RAB3B: variants seen among roughly 807,000 people sequenced by gnomAD.
The protein encoded by RAB3B is RAB3B, member RAS oncogene family.
Under a neutral mutation model 20.5 loss-of-function variants are expected in RAB3B, and 11 were observed. The ratio of observed to expected loss-of-function variants is 0.54; its 90% CI spans 0.34 to 0.89. The LOEUF is 0.89. RAB3B is among the 40% of genes least tolerant of loss of function. RAB3B has a pLI of 0.02. For missense variants in RAB3B, 225 were observed against 280.9 expected, an observed-to-expected ratio of 0.80 and a Z score of 1.42; for synonymous variants, 99 against 106.3, an observed-to-expected ratio of 0.93 and a Z score of 0.42.
chr1:51,911,201 C>T lies in RAB3B; in HGVS notation c.*8726G>A, dbSNP rs1683992649. 1 of 152,222 alleles carries T rather than the reference C, an allele frequency of 6.6e-6. No homozygotes were observed. The highest frequency in any genetic ancestry group is 2.4e-5 in the African/African-American group (1 of 41,452). The allele number at this position is 152,222 out of a possible 1,614,324, so 9.4% of individuals were successfully genotyped here. On this transcript the variant is annotated 3_prime_UTR_variant, in exon 5 of 5. Coordinates refer to ENST00000371655, the MANE Select transcript of RAB3B (RefSeq NM_002867.4). ...GACAGTGATCCCTAGTCATAGGAAA[C>T]TTTGCCTGTGCTGTCATCAGTGTCC...
At chr1:51,956,465 T>C (rs1397127897) in intron 2 of RAB3B, among the ~76,000 whole-genome samples, 1 of 152,202 alleles carries the variant, frequency 6.6e-6, no homozygotes, top group Non-Finnish European at 1.5e-5. Flanking sequence ...TAAGTTATAC[T>C]GCCTGCTAGG....
chr1:51,943,394 T>TAACAAC (rs926884803), intron 2 of RAB3B, among the ~76,000 whole-genome samples: 21 of 50,126 alleles, frequency 4.2e-4, no homozygotes, highest in African/African-American at 9.1e-4. Flanking sequence ...AAAATAATAA[T>TAACAAC]AACAACAACA....
chr1:51,955,645 C>T (rs1287107324), intron 2 of RAB3B, among the ~76,000 whole-genome samples: 1 of 152,176 alleles, frequency 6.6e-6, no homozygotes, highest in Non-Finnish European at 1.5e-5. Context: ...AGTGATCCGC[C>T]AGCCTCAGCC....
intron 2 of RAB3B, among the ~76,000 whole-genome samples, chr1:51,958,359 G>A (rs1221090582): frequency 6.6e-6 from 1 of 152,170 alleles, no homozygotes; most frequent in Non-Finnish European, 1.5e-5. Context: ...GATCAAATGA[G>A]ATCTCATATG....
intron 3 of RAB3B, among the ~76,000 whole-genome samples, chr1:51,936,685 CAT>C (rs1185877594): frequency 2.0e-5 from 3 of 152,194 alleles, no homozygotes; most frequent in Non-Finnish European, 4.4e-5. Context: ...CAAAATGCAG[CAT>C]ATGTGTCAGC....
Position 51,911,151 on chromosome 1 carries a change from T to C in RAB3B, c.*8776A>G, listed in dbSNP as rs1487180407. The C allele has an allele frequency of 6.6e-6, 1 of 152,184 alleles. No individual in the cohort carries two copies. The highest frequency in any genetic ancestry group is 1.5e-5 in the Non-Finnish European group (1 of 68,034). 9.4% of individuals were successfully genotyped at this position (152,184 alleles called of 1,614,324 possible). On this transcript the variant is annotated 3_prime_UTR_variant, in exon 5 of 5. Transcript: ENST00000371655. ...TTAGCTGTTTTGTCTACCTGCTGGA[T>C]ACCTGGGAAGCCAGACTCTGTGTGG... is the stretch of plus-strand genomic sequence containing the variant.
chr1:51,956,401 G>A (rs1684707183), intron 2 of RAB3B, among the ~76,000 whole-genome samples: 1 of 152,182 alleles, frequency 6.6e-6, no homozygotes, highest in Non-Finnish European at 1.5e-5. Flanking sequence ...AGAGGCACAG[G>A]GAGGTTAAGT....
intron 2 of RAB3B, among the ~76,000 whole-genome samples, chr1:51,954,816 T>C (rs1684684994): frequency 6.6e-6 from 1 of 152,246 alleles, no homozygotes; most frequent in Admixed American, 6.5e-5. Flanking sequence ...AAAAAGGATG[T>C]ATCTTAGAAT....
At chr1:51,966,104 C>T (rs777855590) in intron 2 of RAB3B, among the ~76,000 whole-genome samples, 7 of 152,210 alleles carry the variant, frequency 4.6e-5, no homozygotes, top group Non-Finnish European at 1.0e-4. Context: ...TCTCACCAAT[C>T]GCTGCAGAGC....
rs139605200 is a variant in RAB3B, at chr1:51,949,808, G to C, written c.229-12396C>G. On this transcript the variant is annotated intron_variant, in intron 2 of 4. Transcript: ENST00000371655. ...GCTTGGCCCCACCACTGCTTCTGTC[G>C]CACGGGGTGGCTGCCTTCCACCAGT... Among the ~76,000 whole-genome samples, 54 of 152,272 alleles carry C rather than the reference G, an allele frequency of 3.5e-4. No homozygotes were observed. The East Asian group carries it at 0.01, about 29-fold the overall frequency.
At chr1:51,954,856 G>A (rs1255800973) in intron 2 of RAB3B, among the ~76,000 whole-genome samples, 1 of 152,230 alleles carries the variant, frequency 6.6e-6, no homozygotes, top group Admixed American at 6.5e-5. Flanking sequence ...TGGAAACATA[G>A]TACTTAAAAT....
chr1:51,966,802 C>A (rs1048041111), intron 2 of RAB3B, among the ~76,000 whole-genome samples: 2 of 151,728 alleles, frequency 1.3e-5, no homozygotes, highest in African/African-American at 2.4e-5. Flanking sequence ...ATTCCTGGAG[C>A]CACAGAGACT....
At chr1:51,985,259 T>C (rs1163234783) in intron 1 of RAB3B, among the ~76,000 whole-genome samples, 1 of 152,144 alleles carries the variant, frequency 6.6e-6, no homozygotes, top group East Asian at 1.9e-4. Flanking sequence ...TGTGGCTCCA[T>C]TATTTGGGCC....
intron 1 of RAB3B, among the ~76,000 whole-genome samples, chr1:51,985,869 T>C (rs975868381): frequency 2.7e-5 from 4 of 149,798 alleles, no homozygotes; most frequent in Non-Finnish European, 5.9e-5. Context: ...AAAAAAAAAT[T>C]GAGGCTCTGC....
At chr1:51,931,893 G>A (rs1473662641) in intron 4 of RAB3B, among the ~76,000 whole-genome samples, 1 of 152,012 alleles carries the variant, frequency 6.6e-6, no homozygotes, top group African/African-American at 2.4e-5. Flanking sequence ...GGAGAGTGCT[G>A]GGAGCCTCCA....
chr1:51,921,534 G>A (rs1001982735), intron 4 of RAB3B, among the ~76,000 whole-genome samples: 3 of 151,114 alleles, frequency 2.0e-5, no homozygotes, highest in African/African-American at 4.9e-5. Context: ...TTTTTTTCCT[G>A]ATTATACCTT....
rs376346413 is a variant in RAB3B at position 51,921,373 on chromosome 1, AT to A, written c.473-1260del. On this transcript the variant is annotated intron_variant, in intron 4 of 4. Coordinates refer to ENST00000371655, the MANE Select transcript of RAB3B (RefSeq NM_002867.4). ...GGGTAAATAACATCATCTCCAATTT[AT>A]AAATGAGAATATGAGAGACTGCATA... is the stretch of plus-strand genomic sequence containing the variant. 1.4e-4 allele frequency among the ~76,000 whole-genome samples: 22 copies of A among 152,304 alleles called. No homozygotes were observed. The East Asian group carries it at 2.9e-3, about 20-fold the overall frequency.
chr1:51,953,784 C>CTGG (rs1684671553), intron 2 of RAB3B, among the ~76,000 whole-genome samples: 1 of 152,112 alleles, frequency 6.6e-6, no homozygotes, highest in Non-Finnish European at 1.5e-5. Flanking sequence ...CTGGATGACA[C>CTGG]AGCAAGACTC....
chr1:51,947,158 G>A (rs909227219), intron 2 of RAB3B, among the ~76,000 whole-genome samples: 8 of 152,184 alleles, frequency 5.3e-5, no homozygotes, highest in African/African-American at 1.9e-4. Context: ...CACTTTGGGA[G>A]GCCGAGGCAG....
Sources: gnomAD v4.1 joint callset for allele counts (sites outside exome capture counted in the v4.1 genomes callset) on GRCh38, gnomAD v4.1.1 for gene constraint, MANE v1.5 for transcripts, NCBI Gene and HGNC (gene_info 2026-07-23, HGNC 2026-07-21) for gene names.